Variants in RASSF8 observed in about 807,000 individuals in gnomAD.
RASSF8 encodes the protein Ras association domain family member 8.
Under a neutral mutation model 48.5 loss-of-function variants are expected in RASSF8, and 22 were observed. That is an observed-to-expected ratio of 0.45 (90% confidence interval 0.32 to 0.65). The LOEUF (loss-of-function observed/expected upper bound fraction) is 0.65, where lower values mean the gene tolerates loss of function less well. Ranked by LOEUF, RASSF8 falls within the 30% of genes least tolerant of loss-of-function variation. RASSF8 has a pLI of 0.03. For missense variants in RASSF8, 418 were observed against 489.2 expected, an observed-to-expected ratio of 0.85 and a Z score of 1.37; for synonymous variants, 127 against 171.5, an observed-to-expected ratio of 0.74 and a Z score of 2.03.
chr12:25,967,075 T>A (rs144044682), intron 1 of RASSF8, among the ~76,000 whole-genome samples: 2 of 152,252 alleles, frequency 1.3e-5, no homozygotes, highest in East Asian at 3.8e-4. Context: ...TTGTCTGTTA[T>A]ATCCTTTTTT....
intron 1 of RASSF8, among the ~76,000 whole-genome samples, chr12:25,963,734 G>T (rs148237507): frequency 6.6e-6 from 1 of 152,312 alleles, no homozygotes; most frequent in East Asian, 1.9e-4. Context: ...CGTAGCCTGG[G>T]TGCTCTTGGG....
chr12:26,071,433 TTTTA>T lies in RASSF8; in HGVS notation c.*2618_*2621del. The T allele has an allele frequency of 1.1e-6, 1 of 943,544 alleles. No individual in the cohort carries two copies. The highest frequency in any genetic ancestry group is 1.8e-5 in the African/African-American group (1 of 56,302). 58.4% of individuals were successfully genotyped at this position (943,544 alleles called of 1,614,324 possible). A position where few individuals can be genotyped will look rare whatever the true frequency, so the allele number is the denominator to read the frequency against. On this transcript the variant is annotated 3_prime_UTR_variant, in exon 6 of 6. Transcript: ENST00000689635. ...TTTAAAAAAATCATATTGCAACTTG[TTTTA>T]TTGTGATTTTCTACAAGTATTAAAT...
At chr12:26,039,339 AG>A (rs1165442959) in intron 2 of RASSF8, among the ~76,000 whole-genome samples, 1 of 152,004 alleles carries the variant, frequency 6.6e-6, no homozygotes, top group East Asian at 1.9e-4. Flanking sequence ...AGGTGGGCAG[AG>A]TTCTGATTTC....
intron 2 of RASSF8, among the ~76,000 whole-genome samples, chr12:26,046,344 A>G (rs569787565): frequency 6.6e-6 from 1 of 152,322 alleles, no homozygotes; most frequent in East Asian, 1.9e-4. Context: ...CTGTGTCACT[A>G]GTGGTTCTGA....
intron 3 of RASSF8, among the ~76,000 whole-genome samples, chr12:26,061,893 C>T (rs186536691): frequency 2.6e-5 from 4 of 152,174 alleles, no homozygotes; most frequent in African/African-American, 9.6e-5. Flanking sequence ...ACTAAATGTG[C>T]ATTATTTAAC....
intron 3 of RASSF8, among the ~76,000 whole-genome samples, chr12:26,056,680 T>C (rs1019632258): frequency 2.0e-5 from 3 of 152,382 alleles, no homozygotes; most frequent in Non-Finnish European, 4.4e-5. Flanking sequence ...TCTGGTAATA[T>C]TGACATCTTT....
Position 25,997,541 on chromosome 12 carries a change from AT to A in RASSF8, c.-109+2412del, listed in dbSNP as rs1177534728. ...TTAATGGAATTATTTTTATATGCTT[AT>A]ACCTGTTTTTACGGGTTTACATAGG... On this transcript the variant is annotated intron_variant, in intron 2 of 5. Coordinates refer to ENST00000689635, the MANE Select transcript of RASSF8 (RefSeq NM_001394098.1). Among the ~76,000 whole-genome samples, 8 of 152,132 alleles carry A rather than the reference AT, an allele frequency of 5.3e-5. No homozygotes were observed. The South Asian group carries it at 1.7e-3, about 32-fold the overall frequency.
intron 2 of RASSF8, among the ~76,000 whole-genome samples, chr12:26,031,058 A>C (rs905582304): frequency 2.6e-5 from 4 of 152,176 alleles, no homozygotes; most frequent in South Asian, 2.1e-4. Flanking sequence ...TGCAGCTTTT[A>C]CTGCTGCAGC....
At chr12:26,016,222 ATTTG>A (rs1942646774) in intron 2 of RASSF8, among the ~76,000 whole-genome samples, 4 of 126,570 alleles carry the variant, frequency 3.2e-5, no homozygotes, top group Non-Finnish European at 5.1e-5. Context: ...TTTTTTTTTT[ATTTG>A]TTTGTTTGGT....
intron 2 of RASSF8, among the ~76,000 whole-genome samples, chr12:26,014,568 C>T (rs1015801041): frequency 5.9e-5 from 9 of 152,022 alleles, no homozygotes; most frequent in African/African-American, 2.2e-4. Flanking sequence ...GTCTCCATGT[C>T]AAATTTTTTT....
chr12:26,073,748 T>TACACACACAC (rs5797160), downstream of RASSF8, among the ~76,000 whole-genome samples: 69 of 134,764 alleles, frequency 5.1e-4, no homozygotes, highest in African/African-American at 1.9e-3. Context: ...TCTCTCTCTA[T>TACACACACAC]ACACACACAC....
intron 1 of RASSF8, among the ~76,000 whole-genome samples, chr12:25,978,845 C>T (rs1941671126): frequency 6.6e-6 from 1 of 152,006 alleles, no homozygotes; most frequent in African/African-American, 2.4e-5. Context: ...AGCATGAAAA[C>T]CTTAATGAAA....
intron 1 of RASSF8, among the ~76,000 whole-genome samples, chr12:25,986,257 G>A (rs1383099393): frequency 6.6e-6 from 1 of 152,124 alleles, no homozygotes. Context: ...CACTTCACAG[G>A]GCTATAGAAA....
intron 1 of RASSF8, among the ~76,000 whole-genome samples, chr12:25,981,981 T>C (rs1941755734): frequency 6.6e-6 from 1 of 152,194 alleles, no homozygotes; most frequent in Non-Finnish European, 1.5e-5. Flanking sequence ...GATACTGAAG[T>C]AGAGATAATA....
chr12:25,970,302 T>C (rs1423710744), intron 1 of RASSF8, among the ~76,000 whole-genome samples: 2 of 152,202 alleles, frequency 1.3e-5, no homozygotes, highest in African/African-American at 4.8e-5. Context: ...CCCTGCCCAC[T>C]GAACTATGTG....
At position 26,061,610 on chromosome 12, in the gene RASSF8, A is replaced by G. The variant is rs569141529; in HGVS notation, c.104-2888A>G. On this transcript the variant is annotated intron_variant, in intron 3 of 5. Coordinates refer to ENST00000689635, the MANE Select transcript of RASSF8 (RefSeq NM_001394098.1). ...TTTTATTCATTTTAAGATTACATCA[A>G]AATAGTACAGAAGGTTTAACTGAAT... is the stretch of plus-strand genomic sequence containing the variant. Among the ~76,000 whole-genome samples the G allele has an allele frequency of 3.3e-5, 5 of 152,314 alleles. No homozygotes were observed. In the South Asian group the frequency reaches 8.3e-4, roughly 25 times the overall value.
chr12:25,982,899 T>C (rs950499343), intron 1 of RASSF8, among the ~76,000 whole-genome samples: 2 of 152,256 alleles, frequency 1.3e-5, no homozygotes, highest in Non-Finnish European at 2.9e-5. Context: ...TCAGTTCTAA[T>C]TTAGACCTAT....
At chr12:25,975,843 T>C (rs1047445951) in intron 1 of RASSF8, among the ~76,000 whole-genome samples, 3 of 152,100 alleles carry the variant, frequency 2.0e-5, no homozygotes, top group African/African-American at 7.2e-5. Flanking sequence ...TGGGGTGCCC[T>C]AGGGAGAGGC....
intron 2 of RASSF8, among the ~76,000 whole-genome samples, chr12:26,021,283 A>G (rs1942781559): frequency 6.6e-6 from 1 of 152,234 alleles, no homozygotes; most frequent in South Asian, 2.1e-4. Context: ...CAGAACAGCA[A>G]GTCCTGCACT....
Sources: gnomAD v4.1 joint callset for allele counts (sites outside exome capture counted in the v4.1 genomes callset) on GRCh38, gnomAD v4.1.1 for gene constraint, MANE v1.5 for transcripts, NCBI Gene and HGNC (gene_info 2026-07-23, HGNC 2026-07-21) for gene names.